Variants in ATP11B observed in about 807,000 individuals in gnomAD.
ATP11B encodes the protein ATPase phospholipid transporting 11B (putative).
A neutral mutation model predicts 157.8 loss-of-function variants in ATP11B; 81 were observed. That is an observed-to-expected ratio of 0.51 (90% CI 0.43 to 0.62). The LOEUF (loss-of-function observed/expected upper bound fraction) is 0.62, where lower values mean the gene tolerates loss of function less well. ATP11B is among the 20% of genes least tolerant of loss of function. The pLI is 0.00. For synonymous variants in ATP11B, 451 were observed against 469.4 expected (o/e 0.96, Z 0.51); for missense variants, 1,165 against 1,402.2 (o/e 0.83, Z 2.70).
At chr3:182,871,575 T>C (rs1479385799) in intron 17 of ATP11B, among the ~76,000 whole-genome samples, 8 of 152,202 alleles carry the variant, frequency 5.3e-5, no homozygotes, top group African/African-American at 1.9e-4. Context: ...ATGCAATGAA[T>C]CTTTAGGAAA....
chr3:182,834,250 C>T lies in ATP11B; in HGVS notation c.316-1785C>T, dbSNP rs183725285. On this transcript the variant is annotated intron_variant, in intron 4 of 29. Transcript: ENST00000323116. Reference sequence around the variant, plus strand: ...AATAAGGCCAACATAATTTAGGTGTCTTAAGAGTGCTTTCCCACAAGGTTT... The same window carrying T: ...AATAAGGCCAACATAATTTAGGTGTTTTAAGAGTGCTTTCCCACAAGGTTT... Among the ~76,000 whole-genome samples the T allele has an allele frequency of 7.2e-4, 110 of 152,318 alleles. 1 individual carries two copies. Among genetic ancestry groups the T allele is most frequent in the Non-Finnish European group, 7.4e-5 (5 of 68,024 alleles).
chr3:182,863,107 G>A (rs896994274), intron 12 of ATP11B, among the ~76,000 whole-genome samples: 2 of 151,836 alleles, frequency 1.3e-5, no homozygotes, highest in Non-Finnish European at 2.9e-5. Context: ...TAGTAGAGAT[G>A]GGGTTTCACC....
At chr3:182,797,023 TTC>T (rs1460450579) in intron 1 of ATP11B, among the ~76,000 whole-genome samples, 3 of 152,218 alleles carry the variant, frequency 2.0e-5, no homozygotes, top group Non-Finnish European at 2.9e-5. Context: ...TCCCTCAACT[TTC>T]TGTTCTTCCT....
At chr3:182,908,029 T>C (rs1724494904) in intron 28 of ATP11B, among the ~76,000 whole-genome samples, 1 of 152,156 alleles carries the variant, frequency 6.6e-6, no homozygotes, top group Admixed American at 6.5e-5. Context: ...TTCACAGGTA[T>C]TAATTTCTTC....
At chr3:182,913,778 G>C in intron 28 of ATP11B, 83 bp from the exon 29 acceptor site, 1 of 1,601,418 alleles carries the variant, frequency 6.2e-7, no homozygotes, top group Non-Finnish European at 8.5e-7. Flanking sequence ...CCTTTGATTT[G>C]AAAGTGCTTG....
chr3:182,853,712 A>G (rs984825010), intron 10 of ATP11B, among the ~76,000 whole-genome samples: 1 of 152,208 alleles, frequency 6.6e-6, no homozygotes, highest in Non-Finnish European at 1.5e-5. Flanking sequence ...CAAGCTCAGT[A>G]TTGTTAAGCT....
chr3:182,897,447 A>T (rs79371763), intron 27 of ATP11B, 41 bp downstream of exon 27: 1 of 1,298,864 alleles, frequency 7.7e-7, no homozygotes, highest in Non-Finnish European at 1.1e-6. Flanking sequence ...TGCTTCAACT[A>T]TAATAAACAT....
At chr3:182,894,496 T>C (rs1577089898) in intron 25 of ATP11B, among the ~76,000 whole-genome samples, 1 of 152,278 alleles carries the variant, frequency 6.6e-6, no homozygotes, top group East Asian at 1.9e-4. Context: ...TGTAAGCTCA[T>C]CTTCAGCCAG....
intron 29 of ATP11B, chr3:182,916,895 C>T (rs1452128900): frequency 1.0e-6 from 1 of 981,972 alleles, no homozygotes; most frequent in Non-Finnish European, 1.2e-6. Context: ...TACTTGTCCC[C>T]TGTAAATACT....
intron 25 of ATP11B, among the ~76,000 whole-genome samples, chr3:182,895,112 CAAAAAA>C (rs368282275): frequency 1.0e-4 from 7 of 68,270 alleles, no homozygotes; most frequent in African/African-American, 4.1e-4. Context: ...GACCCTGACT[CAAAAAA>C]AAAAAAAAAA....
intron 2 of ATP11B, among the ~76,000 whole-genome samples, 159 bp downstream of exon 2, chr3:182,820,535 T>C (rs540038574): frequency 2.3e-4 from 35 of 152,172 alleles, no homozygotes; most frequent in Non-Finnish European, 2.6e-4. Flanking sequence ...AATCAAAAAA[T>C]TAGCCAGGTG....
intron 4 of ATP11B, among the ~76,000 whole-genome samples, chr3:182,830,864 C>T (rs959540876): frequency 2.0e-5 from 3 of 152,034 alleles, no homozygotes; most frequent in Non-Finnish European, 4.4e-5. Context: ...GTATATCAGT[C>T]GATATGCATT....
chr3:182,806,897 G>T (rs894344278), intron 1 of ATP11B, among the ~76,000 whole-genome samples: 1 of 152,060 alleles, frequency 6.6e-6, no homozygotes, highest in Admixed American at 6.6e-5. Flanking sequence ...TGGTGCAGAG[G>T]GGGTACTGCT....
chr3:182,861,589 T>G (rs1223731629), intron 12 of ATP11B, among the ~76,000 whole-genome samples: 1 of 152,172 alleles, frequency 6.6e-6, no homozygotes. Context: ...TGGATGAGTG[T>G]GACTCATAAC....
chr3:182,850,489 CAAAA>C (rs1026069899), intron 10 of ATP11B, among the ~76,000 whole-genome samples: 2 of 149,678 alleles, frequency 1.3e-5, no homozygotes, highest in South Asian at 2.1e-4. Flanking sequence ...CAAAACAAAA[CAAAA>C]AAAAAGTGTA....
chr3:182,872,282 G>T, intron 17 of ATP11B, 74 bp from the exon 18 acceptor site: 3 of 1,106,136 alleles, frequency 2.7e-6, no homozygotes, highest in Non-Finnish European at 3.9e-6. Flanking sequence ...AGTGTATTTT[G>T]ATAGTGACTT....
chr3:182,825,786 G>A (rs1717678960), intron 2 of ATP11B, among the ~76,000 whole-genome samples: 1 of 151,484 alleles, frequency 6.6e-6, no homozygotes, highest in African/African-American at 2.4e-5. Flanking sequence ...AGTAGTCCCA[G>A]CTACTCAGGA....
intron 9 of ATP11B, among the ~76,000 whole-genome samples, chr3:182,847,683 C>G (rs1408397971): frequency 6.6e-6 from 1 of 152,158 alleles, no homozygotes; most frequent in Non-Finnish European, 1.5e-5. Flanking sequence ...TATTGATCAT[C>G]TCTCAGTTTT....
chr3:182,836,130 A>C lies in ATP11B; in HGVS notation c.411A>C (p.Ser137=), dbSNP rs1718528823. ...GTGGTGGCCTTGTAAAAACTAGATC[A>C]AAAAACATTCGGGTATGCATCTGGT... ...VRSGGLVKTR[S]KNIRVGDIVR... The change falls in exon 5 of 30, where the codon TCA becomes TCC. Residue 137 remains serine, a synonymous_variant. Transcript: ENST00000323116. 1.2e-6 allele frequency: 2 copies of C among 1,612,886 alleles called. No individual in the cohort carries two copies. The highest frequency in any genetic ancestry group is 1.7e-6 in the Non-Finnish European group (2 of 1,179,406).
Sources: allele counts gnomAD v4.1 joint callset (sites outside exome capture counted in the v4.1 genomes callset), GRCh38; gene constraint gnomAD v4.1.1; transcripts MANE v1.5; gene names NCBI Gene and HGNC (gene_info 2026-07-23, HGNC 2026-07-21).